Variants in B3GALT1 observed in about 807,000 individuals in gnomAD.
B3GALT1 encodes beta-1,3-galactosyltransferase 1, also known as UDP-Gal:betaGlcNAc beta 1,3-galactosyltransferase, polypeptide 1.
In B3GALT1, 10 loss-of-function variants were observed where a neutral mutation model predicts 23.2. The observed-to-expected ratio is 0.43, with a 90% CI of 0.27 to 0.73. The LOEUF (loss-of-function observed/expected upper bound fraction) is 0.73. B3GALT1 is among the 30% of genes least tolerant of loss of function. B3GALT1 has a pLI of 0.21. For missense variants in B3GALT1, 299 were observed against 405.4 expected (o/e 0.74, Z 2.25); for synonymous variants, 156 against 141.5 (o/e 1.10, Z -0.73).
At chr2:167,738,631 A>G (rs1687528214) in intron 3 of B3GALT1, among the ~76,000 whole-genome samples, 2 of 152,172 alleles carry the variant, frequency 1.3e-5, no homozygotes, top group Admixed American at 1.3e-4. Context: ...ACAAACAAAC[A>G]AAAAAATACC....
chr2:167,793,435 G>A (rs905199219), intron 3 of B3GALT1, among the ~76,000 whole-genome samples: 1 of 152,148 alleles, frequency 6.6e-6, no homozygotes, highest in Non-Finnish European at 1.5e-5. Flanking sequence ...GGATCACGGG[G>A]AGGGTACAGA....
Position 167,440,267 on chromosome 2 carries a change from T to C in B3GALT1, c.-510-49910T>C, listed in dbSNP as rs541197787. Among the ~76,000 whole-genome samples the C allele has an allele frequency of 6.6e-3, 948 of 144,204 alleles. 10 individuals are homozygous for C. Among genetic ancestry groups the C allele is most frequent in the African/African-American group, 0.024 (905 of 38,350 alleles). 94.6% of individuals were successfully genotyped at this position (144,204 alleles called of 152,430 possible). A position where few individuals can be genotyped will look rare whatever the true frequency, so the allele number is the denominator to read the frequency against. On this transcript the variant is annotated intron_variant, in intron 1 of 4. Transcript: ENST00000392690. ...GTGAGGCGGGAGAATGGTGTGAACC[T>C]GGGAGGCGGAGCTTGCAGTGAGCCA...
intron 2 of B3GALT1, among the ~76,000 whole-genome samples, chr2:167,530,644 C>G (rs568568272): frequency 6.6e-6 from 1 of 152,268 alleles, no homozygotes; most frequent in Admixed American, 6.5e-5. Flanking sequence ...TCCAAATGCT[C>G]AGCTGACTTA....
At chr2:167,391,197 T>C (rs1698010834) in intron 1 of B3GALT1, among the ~76,000 whole-genome samples, 1 of 152,184 alleles carries the variant, frequency 6.6e-6, no homozygotes, top group Non-Finnish European at 1.5e-5. Context: ...GAAATTCCAT[T>C]TCCTCAGAAC....
intron 2 of B3GALT1, among the ~76,000 whole-genome samples, chr2:167,526,162 C>T (rs2105364776): frequency 6.6e-6 from 1 of 151,976 alleles, no homozygotes; most frequent in Admixed American, 6.6e-5. Context: ...TGCTTCAAAG[C>T]CATGTTAGTG....
intron 2 of B3GALT1, among the ~76,000 whole-genome samples, chr2:167,530,525 C>A (rs930759068): frequency 2.0e-5 from 3 of 152,118 alleles, no homozygotes; most frequent in Admixed American, 2.0e-4. Context: ...AAATGTTAAT[C>A]CTCTTTTGTG....
chr2:167,386,942 G>A lies in B3GALT1; in HGVS notation c.-511+93608G>A, dbSNP rs544796326. On this transcript the variant is annotated intron_variant, in intron 1 of 4. Coordinates refer to ENST00000392690, the MANE Select transcript of B3GALT1 (RefSeq NM_020981.4). ...GCGTTAACTGTCTCTCACCTCCTCTGCCGCTTGAGTGACTCCTTGGTTGCT... is the reference window on the plus strand; with the variant it reads ...GCGTTAACTGTCTCTCACCTCCTCTACCGCTTGAGTGACTCCTTGGTTGCT... 3.9e-5 allele frequency among the ~76,000 whole-genome samples: 6 copies of A among 152,276 alleles called. No homozygotes were observed. The South Asian group carries it at 1.0e-3, about 26-fold the overall frequency.
chr2:167,529,138 G>A (rs145539271), intron 2 of B3GALT1, among the ~76,000 whole-genome samples: 7 of 151,856 alleles, frequency 4.6e-5, no homozygotes, highest in East Asian at 1.9e-4. Flanking sequence ...TGATCACTCC[G>A]TCCTTATTTA....
Position 167,821,309 on chromosome 2 carries a change from G to A in B3GALT1, c.-230+2516G>A, listed in dbSNP as rs111383870. The stretch of plus-strand genomic sequence containing the variant: ...GAATGTTTAAGTCTTTTGCACTTAA[G>A]ATCTTGTTTGCAAACAAAACAAAAC... On this transcript the variant is annotated intron_variant, in intron 4 of 4. Coordinates refer to ENST00000392690, the MANE Select transcript of B3GALT1 (RefSeq NM_020981.4). 3.0e-4 allele frequency among the ~76,000 whole-genome samples: 46 copies of A among 151,646 alleles called. 1 individual carries two copies. Among genetic ancestry groups the A allele is most frequent in the African/African-American group, 1.1e-3 (46 of 41,330 alleles).
chr2:167,811,365 C>G (rs990197036), intron 3 of B3GALT1, among the ~76,000 whole-genome samples: 2 of 152,244 alleles, frequency 1.3e-5, no homozygotes, highest in African/African-American at 2.4e-5. Flanking sequence ...ATGGGAAACA[C>G]TTTCACAGCG....
At chr2:167,666,463 G>A (rs957649951) in intron 3 of B3GALT1, among the ~76,000 whole-genome samples, 1 of 152,092 alleles carries the variant, frequency 6.6e-6, no homozygotes, top group East Asian at 1.9e-4. Context: ...ATGTCTGTTA[G>A]GTCCGCTTGG....
At chr2:167,713,863 A>C (rs768612298) in intron 3 of B3GALT1, 10 of 1,590,942 alleles carry the variant, frequency 6.3e-6, no homozygotes, top group Non-Finnish European at 8.6e-6. Flanking sequence ...CCCTTGATAG[A>C]AAATAACCTC....
chr2:167,851,020 A>C (rs1478820033), intron 4 of B3GALT1, among the ~76,000 whole-genome samples: 5 of 152,178 alleles, frequency 3.3e-5, no homozygotes, highest in Non-Finnish European at 5.9e-5. Flanking sequence ...CAAAAAAAGC[A>C]AATTATCTAC....
At chr2:167,653,027 A>G (rs1220523802) in intron 3 of B3GALT1, among the ~76,000 whole-genome samples, 3 of 152,182 alleles carry the variant, frequency 2.0e-5, no homozygotes, top group Non-Finnish European at 4.4e-5. Flanking sequence ...GAGTGCCTAC[A>G]CATCCTAAGG....
chr2:167,353,142 G>A (rs1191628676), intron 1 of B3GALT1, among the ~76,000 whole-genome samples: 2 of 152,178 alleles, frequency 1.3e-5, no homozygotes, highest in Non-Finnish European at 2.9e-5. Flanking sequence ...AGAGTTGCAC[G>A]GAGATGGTAG....
At chr2:167,605,474 G>C (rs1043820741) in intron 2 of B3GALT1, among the ~76,000 whole-genome samples, 3 of 61,474 alleles carry the variant, frequency 4.9e-5, no homozygotes, top group Admixed American at 4.9e-4. Context: ...TCACCTGAGG[G>C]CTCAGATGGC....
chr2:167,398,692 T>C (rs958775087), intron 1 of B3GALT1, among the ~76,000 whole-genome samples: 8 of 152,098 alleles, frequency 5.3e-5, no homozygotes, highest in African/African-American at 1.9e-4. Context: ...GTATAATAGG[T>C]CTGACTAGAC....
chr2:167,798,346 T>C (rs7609155), intron 3 of B3GALT1, among the ~76,000 whole-genome samples: 31,257 of 152,184 alleles, frequency 0.21, 3,739 homozygotes, highest in African/African-American at 0.31. Flanking sequence ...GTTTTCATCA[T>C]GAAATCTTTG....
intron 1 of B3GALT1, among the ~76,000 whole-genome samples, chr2:167,429,899 T>G (rs1698683213): frequency 6.6e-6 from 1 of 152,242 alleles, no homozygotes; most frequent in Non-Finnish European, 1.5e-5. Context: ...TAAAATAGAT[T>G]TATTAAACAC....
Sources: allele counts gnomAD v4.1 joint callset (sites outside exome capture counted in the v4.1 genomes callset), GRCh38; gene constraint gnomAD v4.1.1; transcripts MANE v1.5; gene names NCBI Gene and HGNC (gene_info 2026-07-23, HGNC 2026-07-21).